ARAP2: variants seen among roughly 807,000 people sequenced by gnomAD.
ARAP2 encodes the protein arf-GAP with Rho-GAP domain, ANK repeat and PH domain-containing protein 2.
ARAP2 carries 148 observed loss-of-function variants against 194.5 expected under a neutral mutation model. That is an observed-to-expected ratio of 0.76 (90% CI 0.67 to 0.87). The LOEUF (loss-of-function observed/expected upper bound fraction) is 0.87. Among genes scored for constraint, ARAP2 ranks in the 40% least tolerant of loss-of-function variants. The pLI, the probability that ARAP2 is intolerant of heterozygous loss-of-function variation, is 0.00. For synonymous variants in ARAP2, 695 were observed against 683.5 expected, an observed-to-expected ratio of 1.02 and a Z score of -0.26; for missense variants, 2,128 against 1,989.7, an observed-to-expected ratio of 1.07 and a Z score of -1.32.
At chr4:36,075,454 T>C (rs558782577) in intron 31 of ARAP2, among the ~76,000 whole-genome samples, 1 of 152,282 alleles carries the variant, frequency 6.6e-6, no homozygotes. Context: ...TTTCATTTTA[T>C]AACCAAAGAC....
At position 36,133,254 on chromosome 4, in the gene ARAP2, G is replaced by C. The variant is rs756379733; in HGVS notation, c.3399C>G (p.Asn1133Lys). ...ACTGTGTAACAAATGCTATACAGCTGTTCACTATAATGGGAACGTCATTTT... is the reference window on the plus strand; with the variant it reads ...ACTGTGTAACAAATGCTATACAGCTCTTCACTATAATGGGAACGTCATTTT... ...LSKNDVPIIV[N>K]SCIAFVTQYG... Residue 1133 changes from asparagine to lysine, a missense_variant, in exon 20 of 33, where the codon AAC becomes AAG. Physicochemically the swap from Asn to Lys is moderately conservative, Grantham distance 94 (BLOSUM62 0). Coordinates refer to ENST00000303965, the MANE Select transcript of ARAP2 (RefSeq NM_015230.4). The C allele has an allele frequency of 2.0e-5, 32 of 1,610,758 alleles. 1 individual carries two copies. The highest frequency in any genetic ancestry group is 1.7e-4 in the Middle Eastern group (1 of 6,058).
At chr4:36,018,409 T>C (rs150865346) in intron 6 of ARAP2, among the ~76,000 whole-genome samples, 1 of 147,616 alleles carries the variant, frequency 6.8e-6, no homozygotes, top group East Asian at 2.0e-4. Context: ...GCAACCACCA[T>C]ACTTCACAGA....
At chr4:36,225,239 C>T (rs1750051675) in intron 2 of ARAP2, among the ~76,000 whole-genome samples, 1 of 152,144 alleles carries the variant, frequency 6.6e-6, no homozygotes, top group Non-Finnish European at 1.5e-5. Flanking sequence ...AGAGGCACTA[C>T]ACCTTAAAAA....
At chr4:36,048,785 T>G (rs1338587647) in intron 3 of ARAP2, among the ~76,000 whole-genome samples, 1 of 152,138 alleles carries the variant, frequency 6.6e-6, no homozygotes, top group Non-Finnish European at 1.5e-5. Context: ...TCCAAATGCT[T>G]TCCCTAGAGG....
rs1546495 is a variant in ARAP2 at position 36,158,718 on chromosome 4, G to C, written c.2752+12C>G. 14 of 1,585,840 alleles carry C rather than the reference G, an allele frequency of 8.8e-6. No individual in the cohort carries two copies. In the Admixed American group the frequency reaches 1.5e-4, roughly 17 times the overall value. ...TTTATCTGATAATATCTAAAAAGAAGAGAAAAAATACCTTCAAGCAGTTTT... is the reference window on the plus strand; with the variant it reads ...TTTATCTGATAATATCTAAAAAGAACAGAAAAAATACCTTCAAGCAGTTTT... On this transcript the variant is annotated intron_variant, in intron 15 of 32. Transcript: ENST00000303965.
chr4:36,162,029 A>G (rs1029350814), intron 11 of ARAP2, among the ~76,000 whole-genome samples: 5 of 151,152 alleles, frequency 3.3e-5, no homozygotes, highest in Admixed American at 1.3e-4. Flanking sequence ...AATGGCGTGA[A>G]CCCGGGAGGC....
intron 2 of ARAP2, among the ~76,000 whole-genome samples, chr4:36,217,816 GATAA>G (rs1474226448): frequency 6.7e-6 from 1 of 150,148 alleles, no homozygotes; most frequent in East Asian, 1.9e-4. Flanking sequence ...GATAATACTA[GATAA>G]ATAATACTAG....
intron 26 of ARAP2, 123 bp downstream of exon 26, chr4:36,114,047 T>G (rs1234937732): frequency 8.2e-6 from 6 of 736,154 alleles, no homozygotes. Flanking sequence ...TATTAATACA[T>G]GCACTAAGGT....
Position 36,104,455 on chromosome 4 carries a change from G to A in ARAP2, c.4285+3110C>T, listed in dbSNP as rs921870336. On this transcript the variant is annotated intron_variant, in intron 27 of 32. Transcript: ENST00000303965. ...AAATGGAGCAATAACTCTGGAGTAG[G>A]TAGTCGTTGTGATTGACTTAGGAGA... is the stretch of plus-strand genomic sequence containing the variant. Among the ~76,000 whole-genome samples, 3 of 151,922 alleles carry A rather than the reference G, an allele frequency of 2.0e-5. No homozygotes were observed. In the East Asian group the frequency reaches 5.8e-4, roughly 29 times the overall value.
intron 2 of ARAP2, among the ~76,000 whole-genome samples, chr4:36,222,038 A>G (rs1049190940): frequency 7.2e-5 from 11 of 152,132 alleles, no homozygotes; most frequent in Non-Finnish European, 1.3e-4. Flanking sequence ...GTTATCCTGA[A>G]AACTGCTTTT....
At chr4:36,062,721 C>T (rs1051531837), downstream of ARAP2, among the ~76,000 whole-genome samples, 5 of 151,768 alleles carry the variant, frequency 3.3e-5, no homozygotes, top group Non-Finnish European at 7.4e-5. Flanking sequence ...CAGATGAGGA[C>T]ATTTGGGCTC....
At chr4:36,074,052 C>T (rs529952390) in intron 31 of ARAP2, among the ~76,000 whole-genome samples, 1 of 152,220 alleles carries the variant, frequency 6.6e-6, no homozygotes, top group Non-Finnish European at 1.5e-5. Context: ...GTTTCAAATA[C>T]ATGCCTTCTA....
At chr4:36,092,247 G>A (rs1423591551) in intron 27 of ARAP2, among the ~76,000 whole-genome samples, 1 of 152,164 alleles carries the variant, frequency 6.6e-6, no homozygotes, top group Non-Finnish European at 1.5e-5. Context: ...CACACAAAAT[G>A]TGGTTAGTAT....
chr4:36,074,378 C>T (rs187274044), intron 31 of ARAP2, among the ~76,000 whole-genome samples: 22 of 152,104 alleles, frequency 1.4e-4, no homozygotes, highest in African/African-American at 4.3e-4. Context: ...CATTGTACAA[C>T]GGAGAGTGGG....
chr4:36,100,218 A>G (rs1471323100), intron 27 of ARAP2, among the ~76,000 whole-genome samples: 1 of 152,070 alleles, frequency 6.6e-6, no homozygotes, highest in Non-Finnish European at 1.5e-5. Context: ...AATGTAAGTA[A>G]AGCATTTAGC....
Position 36,068,274 on chromosome 4 carries a change from G to A in ARAP2, c.4748C>T (p.Ala1583Val). Residue 1583 changes from alanine to valine, a missense_variant, in exon 33 of 33, where the codon GCA (alanine) becomes GTA (valine). Ala to Val is a moderately conservative substitution (Grantham distance 64, BLOSUM62 0). Transcript: ENST00000303965. ...ATLARKNIES[A>V]RAELERLRLS... ...CCGCAGCCTTTCAAGTTCTGCTCTT[G>A]CACTCTAAAAATAAAATTAAATGTC... is the stretch of plus-strand genomic sequence containing the variant. The A allele has an allele frequency of 6.6e-7, 1 of 1,524,378 alleles. No individual in the cohort carries two copies. Among genetic ancestry groups the A allele is most frequent in the South Asian group, 1.3e-5 (1 of 76,598 alleles). 94.4% of individuals were successfully genotyped at this position (1,524,378 alleles called of 1,614,324 possible).
At chr4:36,023,885 T>C (rs1037072071) in intron 5 of ARAP2, among the ~76,000 whole-genome samples, 3 of 152,130 alleles carry the variant, frequency 2.0e-5, no homozygotes, top group Non-Finnish European at 2.9e-5. Flanking sequence ...AAGAAGAATT[T>C]AAAGATTTTA....
rs966074970 is a variant in ARAP2, at chr4:36,160,045, T to C, written c.2442+414A>G. On this transcript the variant is annotated intron_variant, in intron 13 of 32. Coordinates refer to ENST00000303965, the MANE Select transcript of ARAP2 (RefSeq NM_015230.4). ...GAGAAGGCGGCAATAAAAAATATTA[T>C]TGACTTATGTTATATATCATCTTTG... is the stretch of plus-strand genomic sequence containing the variant. The C allele has an allele frequency of 3.1e-6, 3 of 961,874 alleles. No homozygotes were observed. In the East Asian group the frequency reaches 3.4e-4, roughly 110 times the overall value. The allele number at this position is 961,874 out of a possible 1,614,324, so 59.6% of individuals were successfully genotyped here.
chr4:36,120,718 CAGATGACTT>C (rs1237803807), intron 23 of ARAP2, among the ~76,000 whole-genome samples: 1 of 151,512 alleles, frequency 6.6e-6, no homozygotes, highest in Non-Finnish European at 1.5e-5. Context: ...TCAATTAAAA[CAGATGACTT>C]AGTAAAACAC....
Sources: allele counts gnomAD v4.1 joint callset (sites outside exome capture counted in the v4.1 genomes callset), GRCh38; gene constraint gnomAD v4.1.1; transcripts MANE v1.5; gene names NCBI Gene and HGNC (gene_info 2026-07-23, HGNC 2026-07-21).